Variants in ZNF786 observed in about 807,000 individuals in gnomAD.
ZNF786 encodes zinc finger protein 786.
Under a neutral mutation model 63.1 loss-of-function variants are expected in ZNF786, and 56 were observed. The ratio of observed to expected loss-of-function variants is 0.89; its 90% CI spans 0.72 to 1.11. The LOEUF (loss-of-function observed/expected upper bound fraction) is 1.11. Ranked by LOEUF, ZNF786 falls within the 50% of genes least tolerant of loss-of-function variation. ZNF786 has a pLI of 0.00. For missense variants in ZNF786, 1,213 were observed against 1,041.8 expected (o/e 1.16, Z -2.26); for synonymous variants, 485 against 406.9 (o/e 1.19, Z -2.31).
Position 149,070,233 on chromosome 7 carries a change from GAAATA to G in ZNF786, c.*185_*189del. The G allele has an allele frequency of 4.9e-6, 3 of 608,586 alleles. No individual in the cohort carries two copies. In the South Asian group the frequency reaches 8.1e-5, roughly 16 times the overall value. The allele number at this position is 608,586 out of a possible 1,614,324, so 37.7% of individuals were successfully genotyped here. A position where few individuals can be genotyped will look rare whatever the true frequency, so the allele number is the denominator to read the frequency against. On this transcript the variant is annotated 3_prime_UTR_variant, in exon 4 of 4. Coordinates refer to ENST00000491431, the MANE Select transcript of ZNF786 (RefSeq NM_152411.4). ...CTTGGAAAAAAAAAAAAAAAAGAAA[GAAATA>G]TAATTGGTGATGCTTCTGAAGAGAA...
chr7:149,081,075 A>G, intron 1 of ZNF786: 2 of 458,470 alleles, frequency 4.4e-6, no homozygotes, highest in South Asian at 3.1e-5. Flanking sequence ...TTTTTGGTAA[A>G]GTCGCACTAT....
chr7:149,090,663 C>T lies in ZNF786; in HGVS notation c.-23G>A, dbSNP rs1316871302. ...CATGGTCCCCGCGGTCCCGCCCGGC[C>T]CTGGCAAACCCGACCGTCTCCGGCG... On this transcript the variant is annotated 5_prime_UTR_variant, in exon 1 of 4. Coordinates refer to ENST00000491431, the MANE Select transcript of ZNF786 (RefSeq NM_152411.4). The T allele has an allele frequency of 3.8e-6, 6 of 1,580,378 alleles. No individual in the cohort carries two copies. In the African/African-American group the frequency reaches 6.9e-5, roughly 18 times the overall value.
In ZNF786 at chr7:149,078,413, G is replaced by A. The variant is rs1224434398; in HGVS notation, c.145+2178C>T. ...AAGTTAACTATGGTAGGCCAGGCAC[G>A]GTGGCTCATGCCTGTAATCCCAGCA... On this transcript the variant is annotated intron_variant, in intron 2 of 3. Transcript: ENST00000491431. Among the ~76,000 whole-genome samples, 16 of 152,154 alleles carry A rather than the reference G, an allele frequency of 1.1e-4. No homozygotes were observed. The East Asian group carries it at 2.9e-3, about 28-fold the overall frequency.
chr7:149,072,822 G>C (rs1825456094), intron 3 of ZNF786, among the ~76,000 whole-genome samples: 1 of 152,156 alleles, frequency 6.6e-6, no homozygotes, highest in South Asian at 2.1e-4. Flanking sequence ...GTAAAAACAT[G>C]GAAACAAAAG....
At chr7:149,076,611 C>T (rs753987192) in intron 2 of ZNF786, among the ~76,000 whole-genome samples, 1 of 149,518 alleles carries the variant, frequency 6.7e-6, no homozygotes, top group African/African-American at 2.5e-5. Context: ...CCCAGCTACT[C>T]GGGAGGCTAA....
rs751690134 is a variant in ZNF786, at chr7:149,071,500, C to T, written c.1272G>A (p.Pro424=). The change falls in exon 4 of 4, where the codon CCG becomes CCA. Residue 424 remains proline (P), a synonymous_variant. Transcript: ENST00000491431. The part of the protein sequence containing the change: ...VHQHAHGGER[P]FSCRKCGKGF... ...CCTTGCCACACTTCCTGCAGGAGAA[C>T]GGTCTCTCCCCACCGTGCGCGTGCT... The T allele has an allele frequency of 1.9e-6, 3 of 1,613,280 alleles. No individual in the cohort carries two copies. Among genetic ancestry groups the T allele is most frequent in the Non-Finnish European group, 2.5e-6 (3 of 1,179,864 alleles).
In ZNF786 at chr7:149,087,005, G is replaced by T. The variant is rs550410339; in HGVS notation, c.18+3618C>A. ...CTACAGGCGCCTGCCAACATGCTCGGCTAATTTTTGTATTTTTAGTAGAGG... is the reference window on the plus strand; with the variant it reads ...CTACAGGCGCCTGCCAACATGCTCGTCTAATTTTTGTATTTTTAGTAGAGG... On this transcript the variant is annotated intron_variant, in intron 1 of 3. Coordinates refer to ENST00000491431, the MANE Select transcript of ZNF786 (RefSeq NM_152411.4). 3.9e-4 allele frequency among the ~76,000 whole-genome samples: 60 copies of T among 152,192 alleles called. 1 individual carries two copies. The highest frequency in any genetic ancestry group is 1.4e-3 in the African/African-American group (59 of 41,512).
Position 149,070,887 on chromosome 7 carries a change from G to C in ZNF786, c.1885C>G (p.Arg629Gly). The C allele has an allele frequency of 6.2e-7, 1 of 1,610,666 alleles. No homozygotes were observed. Among genetic ancestry groups the C allele is most frequent in the Non-Finnish European group, 8.5e-7 (1 of 1,179,256 alleles). The part of the protein sequence containing the change: ...RPFQCPECDK[R>G]YRVKADMKAH... ...TTCATGTCGGCCTTCACGCGATAGCGCTTGTCGCACTCCGGACACTGGAAG... is the reference window on the plus strand; with the variant it reads ...TTCATGTCGGCCTTCACGCGATAGCCCTTGTCGCACTCCGGACACTGGAAG... Residue 629 changes from arginine to glycine, a missense_variant, in exon 4 of 4, where the codon CGC (arginine) becomes GGC (glycine). Physicochemically the swap from Arg to Gly is moderately radical, Grantham distance 125. Coordinates refer to ENST00000491431, the MANE Select transcript of ZNF786 (RefSeq NM_152411.4).
chr7:149,087,581 C>G (rs1290913845), intron 1 of ZNF786, among the ~76,000 whole-genome samples: 1 of 152,180 alleles, frequency 6.6e-6, no homozygotes. Flanking sequence ...TGTGAACAAA[C>G]AGAACTGGGC....
intron 3 of ZNF786, among the ~76,000 whole-genome samples, chr7:149,073,525 A>T (rs780297210): frequency 3.3e-5 from 5 of 151,996 alleles, no homozygotes; most frequent in Non-Finnish European, 5.9e-5. Flanking sequence ...TGATCATGCT[A>T]CTGTGCTCCA....
Position 149,071,191 on chromosome 7 carries a change from G to C in ZNF786, c.1581C>G (p.His527Gln). ...GCCTCTCCCCGCTGTGCACTCTCAG[G>C]TGCTCACGGAGCTTGCACTGGTGGG... Reference protein sequence around the residue: ...GFTHQCKLREHLRVHSGERPF... With the variant: ...GFTHQCKLREQLRVHSGERPF... Residue 527 changes from histidine (H) to glutamine (Q), a missense_variant, in exon 4 of 4, where the codon CAC becomes CAG. Transcript: ENST00000491431. 1 of 1,611,786 alleles carries C rather than the reference G, an allele frequency of 6.2e-7. No homozygotes were observed. Among genetic ancestry groups the C allele is most frequent in the Non-Finnish European group, 8.5e-7 (1 of 1,178,742 alleles).
chr7:149,070,715 C>T lies in ZNF786; in HGVS notation c.2057G>A (p.Arg686His), dbSNP rs746213138. 3 of 1,613,676 alleles carry T rather than the reference C, an allele frequency of 1.9e-6. No individual in the cohort carries two copies. The highest frequency in any genetic ancestry group is 2.2e-5 in the East Asian group (1 of 44,896). The change falls in exon 4 of 4, where the codon CGC becomes CAC. Residue 686 changes from arginine (R) to histidine (H), a missense_variant. Transcript: ENST00000491431. ...ATGGCTGAGCAGCTGCGCCTTCAGGCGGAAACTCTTGTCACACTTGGGACA... is the reference window on the plus strand; with the variant it reads ...ATGGCTGAGCAGCTGCGCCTTCAGGTGGAAACTCTTGTCACACTTGGGACA... The part of the protein sequence containing the change: ...FQCPKCDKSF[R>H]LKAQLLSHQG...
In ZNF786 at chr7:149,090,684, C is replaced by G; in HGVS notation, c.-44G>C. 6.4e-7 allele frequency: 1 copy of G among 1,565,014 alleles called. No individual in the cohort carries two copies. The highest frequency in any genetic ancestry group is 2.4e-5 in the East Asian group (1 of 41,590). On this transcript the variant is annotated 5_prime_UTR_variant, in exon 1 of 4. Coordinates refer to ENST00000491431, the MANE Select transcript of ZNF786 (RefSeq NM_152411.4). ...CGGCCCTGGCAAACCCGACCGTCTC[C>G]GGCGGCTCCGCAGGAACCTGCCCTG...
At chr7:149,081,989 G>C (rs1484389380) in intron 1 of ZNF786, among the ~76,000 whole-genome samples, 1 of 152,158 alleles carries the variant, frequency 6.6e-6, no homozygotes, top group Admixed American at 6.6e-5. Context: ...CAAGAACTCA[G>C]TACCTTTTAC....
chr7:149,076,719 GAAAAA>G (rs71192749), intron 2 of ZNF786, among the ~76,000 whole-genome samples: 5 of 127,742 alleles, frequency 3.9e-5, no homozygotes, highest in East Asian at 2.1e-4. Flanking sequence ...ACTCCATCTT[GAAAAA>G]AAAAAAAAAA....
Position 149,072,323 on chromosome 7 carries a change from G to T in ZNF786, c.449C>A (p.Pro150Gln), listed in dbSNP as rs1202828161. 4 of 1,613,814 alleles carry T rather than the reference G, an allele frequency of 2.5e-6. No homozygotes were observed. The highest frequency in any genetic ancestry group is 2.5e-6 in the Non-Finnish European group (3 of 1,179,844). Residue 150 changes from proline to glutamine, a missense_variant, in exon 4 of 4, where the codon CCA becomes CAA. Transcript: ENST00000491431. ...SPQRHDARAP[P>Q]PLACGPSEST... The stretch of plus-strand genomic sequence containing the variant: ...TTCACTGGGGCCGCAGGCTAGTGGT[G>T]GAGGAGCCCTGGCGTCGTGTCTCTG...
At chr7:149,074,977 G>A (rs1030307731) in intron 2 of ZNF786, among the ~76,000 whole-genome samples, 4 of 147,374 alleles carry the variant, frequency 2.7e-5, no homozygotes, top group Non-Finnish European at 6.0e-5. Context: ...CTACAGGCAC[G>A]CACCACCAGG....
chr7:149,081,516 T>C (rs1825654000), intron 1 of ZNF786, among the ~76,000 whole-genome samples: 1 of 148,858 alleles, frequency 6.7e-6, no homozygotes. Context: ...CAGGATAAAG[T>C]ATAAAAGGGG....
chr7:149,080,071 C>T (rs1825625474), intron 2 of ZNF786, among the ~76,000 whole-genome samples: 2 of 151,950 alleles, frequency 1.3e-5, no homozygotes, highest in South Asian at 2.1e-4. Flanking sequence ...ACTCGGTAGG[C>T]TGAGGCAGGA....
Sources: gnomAD v4.1 joint callset for allele counts (sites outside exome capture counted in the v4.1 genomes callset) on GRCh38, gnomAD v4.1.1 for gene constraint, MANE v1.5 for transcripts, NCBI Gene and HGNC (gene_info 2026-07-23, HGNC 2026-07-21) for gene names.